SPECC1L: variants seen among roughly 807,000 people sequenced by gnomAD.
SPECC1L encodes cytospin-A.
In SPECC1L, 40 loss-of-function variants were observed where a neutral mutation model predicts 116.8. The ratio of observed to expected loss-of-function variants is 0.34; its 90% CI spans 0.27 to 0.45. SPECC1L has a LOEUF of 0.45. Ranked by LOEUF, SPECC1L falls within the 20% of genes least tolerant of loss-of-function variation. The pLI is 1.00. For missense variants in SPECC1L, 1,110 were observed against 1,373.6 expected (o/e 0.81, Z 3.03); for synonymous variants, 504 against 500.6 (o/e 1.01, Z -0.09).
intron 3 of SPECC1L, among the ~76,000 whole-genome samples, chr22:24,313,033 A>G (rs572976594): frequency 2.0e-5 from 3 of 152,170 alleles, no homozygotes; most frequent in Admixed American, 6.5e-5. Context: ...GCTATCCCCC[A>G]TCATCTGAAT....
chr22:24,338,266 C>A, intron 9 of SPECC1L, 120 bp from the exon 10 acceptor site: 2 of 963,562 alleles, frequency 2.1e-6, no homozygotes, highest in Non-Finnish European at 3.4e-6. Context: ...AGACATCAGC[C>A]AAGACAGTGT....
At chr22:24,306,528 G>T (rs975632013) in intron 3 of SPECC1L, among the ~76,000 whole-genome samples, 3 of 152,028 alleles carry the variant, frequency 2.0e-5, no homozygotes, top group Non-Finnish European at 2.9e-5. Context: ...TTACAGATGT[G>T]TGTCACATAC....
intron 2 of SPECC1L, among the ~76,000 whole-genome samples, chr22:24,285,699 A>G (rs6519505): frequency 0.042 from 6,365 of 151,724 alleles, 448 homozygotes; most frequent in African/African-American, 0.15. Flanking sequence ...GCTGGAGTGC[A>G]GTGTCGCGGT....
chr22:24,401,410 C>G (rs114255063), intron 14 of SPECC1L, among the ~76,000 whole-genome samples: 2,158 of 152,318 alleles, frequency 0.014, 41 homozygotes, highest in African/African-American at 0.049. Context: ...CTGTGGAGTT[C>G]TGTCCATTCG....
chr22:24,304,870 G>A (rs1409270824), intron 3 of SPECC1L, among the ~76,000 whole-genome samples: 2 of 152,210 alleles, frequency 1.3e-5, no homozygotes, highest in Admixed American at 1.3e-4. Context: ...ACTTGGGCTT[G>A]ACTTAGAGAA....
intron 14 of SPECC1L, among the ~76,000 whole-genome samples, chr22:24,390,867 CTTTTCTTTTTTTT>C (rs2042252659): frequency 2.1e-5 from 1 of 47,622 alleles, no homozygotes; most frequent in Non-Finnish European, 4.0e-5. Context: ...TTTTTTTTTT[CTTTTCTTTTTTTT>C]TTTTTTTTTT....
At chr22:24,291,801 C>T (rs1055133428) in intron 2 of SPECC1L, among the ~76,000 whole-genome samples, 6 of 152,184 alleles carry the variant, frequency 3.9e-5, no homozygotes, top group South Asian at 2.1e-4. Context: ...GAGAGGTTAA[C>T]TTACCCAGGG....
At chr22:24,318,765 CA>C (rs1213965493) in intron 4 of SPECC1L, among the ~76,000 whole-genome samples, 2 of 151,984 alleles carry the variant, frequency 1.3e-5, no homozygotes, top group African/African-American at 4.8e-5. Context: ...CCCGTCTCTA[CA>C]AAAAATACAA....
At chr22:24,354,910 A>G (rs1254340526) in intron 11 of SPECC1L, among the ~76,000 whole-genome samples, 1 of 149,594 alleles carries the variant, frequency 6.7e-6, no homozygotes, top group African/African-American at 2.4e-5. Context: ...TCGGCCTCCC[A>G]TAGTGCTGGG....
At chr22:24,406,907 G>T (rs961594198) in intron 14 of SPECC1L, among the ~76,000 whole-genome samples, 3 of 152,164 alleles carry the variant, frequency 2.0e-5, no homozygotes, top group Non-Finnish European at 4.4e-5. Flanking sequence ...TTCAAACCAT[G>T]CAACAGCCAG....
intron 14 of SPECC1L, among the ~76,000 whole-genome samples, chr22:24,408,823 A>G (rs1236706841): frequency 6.6e-5 from 10 of 152,264 alleles, no homozygotes; most frequent in African/African-American, 1.9e-4. Context: ...AAGCCAGACA[A>G]TACATTCTGA....
At chr22:24,368,673 T>C (rs553863308) in intron 13 of SPECC1L, among the ~76,000 whole-genome samples, 1 of 152,294 alleles carries the variant, frequency 6.6e-6, no homozygotes, top group South Asian at 2.1e-4. Flanking sequence ...TTTGAGACAG[T>C]GCCACTCTTG....
chr22:24,294,099 A>G (rs1387407860), intron 2 of SPECC1L, among the ~76,000 whole-genome samples: 2 of 51,258 alleles, frequency 3.9e-5, no homozygotes, highest in East Asian at 8.1e-4. Context: ...TCATTTTGAC[A>G]TTTCTGTATT....
chr22:24,275,486 C>T (rs945662295), intron 1 of SPECC1L, among the ~76,000 whole-genome samples: 16 of 151,618 alleles, frequency 1.1e-4, no homozygotes, highest in Non-Finnish European at 1.6e-4. Context: ...ATTTTTATCC[C>T]AAATTGTGGA....
At chr22:24,342,105 T>C (rs866721810) in intron 10 of SPECC1L, among the ~76,000 whole-genome samples, 21 of 152,226 alleles carry the variant, frequency 1.4e-4, no homozygotes, top group Middle Eastern at 3.2e-3. Context: ...AGGTAACTAA[T>C]ACAGTAGTGT....
At chr22:24,374,334 G>A (rs1336573665) in intron 14 of SPECC1L, among the ~76,000 whole-genome samples, 21 of 152,010 alleles carry the variant, frequency 1.4e-4, no homozygotes. Flanking sequence ...TATGTTTATT[G>A]CAGCACTATT....
intron 9 of SPECC1L, among the ~76,000 whole-genome samples, chr22:24,338,126 C>G (rs1458525949): frequency 6.6e-6 from 1 of 152,086 alleles, no homozygotes; most frequent in Non-Finnish European, 1.5e-5. Context: ...AATTAAATAA[C>G]AAAAACGAAA....
chr22:24,383,312 C>T (rs2042096275), intron 14 of SPECC1L, among the ~76,000 whole-genome samples: 1 of 152,206 alleles, frequency 6.6e-6, no homozygotes, highest in Non-Finnish European at 1.5e-5. Context: ...CACAGTGGCT[C>T]ATACCTGTAA....
At chr22:24,384,968 G>A (rs937562266) in intron 14 of SPECC1L, among the ~76,000 whole-genome samples, 1 of 151,566 alleles carries the variant, frequency 6.6e-6, no homozygotes, top group Non-Finnish European at 1.5e-5. Flanking sequence ...GGAGGCTGAG[G>A]CAGGAGAATG....
Sources: allele counts gnomAD v4.1 joint callset (sites outside exome capture counted in the v4.1 genomes callset), GRCh38; gene constraint gnomAD v4.1.1; transcripts MANE v1.5; gene names NCBI Gene and HGNC (gene_info 2026-07-23, HGNC 2026-07-21).